The following ZZEF1 variants were observed in gnomAD, a reference collection of about 807,000 sequenced individuals.
ZZEF1 encodes zinc finger ZZ-type and EF-hand domain containing 1, also known as zinc finger ZZ-type and EF-hand domain-containing protein 1.
A neutral mutation model predicts 342.8 loss-of-function variants in ZZEF1; 157 were observed. That is an observed-to-expected ratio of 0.46 (90% CI 0.40 to 0.52). The LOEUF (loss-of-function observed/expected upper bound fraction) is 0.52, where lower values mean the gene tolerates loss of function less well. ZZEF1 is among the 20% of genes least tolerant of loss of function. ZZEF1 has a pLI of 0.00. For missense variants in ZZEF1, 3,480 were observed against 3,725.6 expected, an observed-to-expected ratio of 0.93 and a Z score of 1.72; for synonymous variants, 1,505 against 1,429.1, an observed-to-expected ratio of 1.05 and a Z score of -1.20.
chr17:4,037,386 C>T (rs1170617411), intron 39 of ZZEF1, among the ~76,000 whole-genome samples: 1 of 152,160 alleles, frequency 6.6e-6, no homozygotes, highest in Admixed American at 6.5e-5. Flanking sequence ...GATTTTCCTG[C>T]CCAAGAGGCA....
intron 45 of ZZEF1, among the ~76,000 whole-genome samples, chr17:4,020,845 G>A (rs1001310691): frequency 6.6e-6 from 1 of 152,212 alleles, no homozygotes; most frequent in Non-Finnish European, 1.5e-5. Flanking sequence ...GTAAGCCCTT[G>A]AAATTCGTGC....
chr17:4,052,880 G>T lies in ZZEF1; in HGVS notation c.5435-744C>A, dbSNP rs1034900544. 3.4e-4 allele frequency among the ~76,000 whole-genome samples: 51 copies of T among 151,480 alleles called. 1 individual carries two copies. The highest frequency in any genetic ancestry group is 1.2e-3 in the African/African-American group (51 of 40,944). ...AGACTTTGTCTCGGGAGGGCGGCGG[G>T]GGAGAAAAAACCAGACCCAGACCCA... On this transcript the variant is annotated intron_variant, in intron 34 of 54. Transcript: ENST00000381638.
chr17:4,114,484 C>A lies in ZZEF1; in HGVS notation c.695-14G>T. On this transcript the variant is annotated splice_polypyrimidine_tract_variant and intron_variant, in intron 3 of 54. Transcript: ENST00000381638. ...CTCCAGGGCTTTCTGTAGGGGAAAC[C>A]AGAGTTGATTATATGACATCCCTTT... 1.3e-6 allele frequency: 2 copies of A among 1,483,608 alleles called. No individual in the cohort carries two copies. Among genetic ancestry groups the A allele is most frequent in the South Asian group, 1.4e-5 (1 of 70,336 alleles). 91.9% of individuals were successfully genotyped at this position (1,483,608 alleles called of 1,614,324 possible). A position where few individuals can be genotyped will look rare whatever the true frequency, so the allele number is the denominator to read the frequency against.
At chr17:4,030,079 T>C (rs1325546587) in intron 42 of ZZEF1, among the ~76,000 whole-genome samples, 1 of 144,566 alleles carries the variant, frequency 6.9e-6, no homozygotes, top group Non-Finnish European at 1.5e-5. Flanking sequence ...TAACAACACA[T>C]TAAACACAAA....
chr17:4,086,618 GA>G lies in ZZEF1; in HGVS notation c.2379del (p.Leu794CysfsTer32), dbSNP rs1567828768. 6.2e-7 allele frequency: 1 copy of G among 1,614,146 alleles called. No homozygotes were observed. Among genetic ancestry groups the G allele is most frequent in the Non-Finnish European group, 8.5e-7 (1 of 1,180,042 alleles). On this transcript the variant is annotated frameshift_variant, in exon 15 of 55. Transcript: ENST00000381638. LOFTEE classifies it high-confidence loss of function. ...REECVSAQTL[L>X]LQLLQSCFSV... ...GAGAAGCAGCTCTGGAGTAGCTGCA[GA>G]AGCAGGGTTTGGGCAGAGACGCATT...
intron 10 of ZZEF1, 150 bp from the exon 11 acceptor site, chr17:4,096,129 G>T (rs1221814322): frequency 1.1e-6 from 1 of 882,350 alleles, no homozygotes; most frequent in African/African-American, 1.7e-5. Context: ...AAATAAGAAA[G>T]CTGTTTCCCA....
At chr17:4,133,388 T>C (rs1275756264) in intron 1 of ZZEF1, among the ~76,000 whole-genome samples, 1 of 152,200 alleles carries the variant, frequency 6.6e-6, no homozygotes, top group Non-Finnish European at 1.5e-5. Context: ...GTTCATGTTC[T>C]TCACCACAAC....
At position 4,008,897 on chromosome 17, in the gene ZZEF1, G is replaced by A. The variant is rs200830304; in HGVS notation, c.8791C>T (p.Arg2931Cys). 1.9e-5 allele frequency: 30 copies of A among 1,547,038 alleles called. No homozygotes were observed. Among genetic ancestry groups the A allele is most frequent in the South Asian group, 4.8e-5 (4 of 84,188 alleles). Residue 2931 changes from arginine (R) to cysteine (C), a missense_variant, in exon 54 of 55, where the codon CGC (arginine) becomes TGC (cysteine). Transcript: ENST00000381638. This position sits in a 1 kb window ranked among gnomAD's most constrained non-coding sequence, Gnocchi z 4.2. ...GGAGAGAGTACCTGTGCCGCACAGCGGAGAAGGTGGTCGTCCGTGGTTAGG... is the reference window on the plus strand; with the variant it reads ...GGAGAGAGTACCTGTGCCGCACAGCAGAGAAGGTGGTCGTCCGTGGTTAGG... ...LALTTDDHLL[R>C]CAAQALQNIA...
Position 4,032,227 on chromosome 17 carries a change from A to C in ZZEF1, c.6791T>G (p.Met2264Arg). Residue 2264 changes from methionine (M) to arginine (R), a missense_variant, in exon 42 of 55, where the codon ATG (methionine) becomes AGG (arginine). By Grantham distance (91) the Met-to-Arg change is moderately conservative. Around this residue, in one of 5 missense-constraint regions of ZZEF1, gnomAD observed 1,269 missense variants for 1,342.4 expected, o/e 0.95. Transcript: ENST00000381638. Reference protein sequence around the residue: ...VLCVGTRCVYMDNANEPHNVI... With the variant: ...VLCVGTRCVYRDNANEPHNVI... ...ATTATGGGGTTCATTGGCATTATCC[A>C]TATAAACGCAGCGGGTTCCCACACA... The C allele has an allele frequency of 6.2e-7, 1 of 1,613,804 alleles. No individual in the cohort carries two copies. The highest frequency in any genetic ancestry group is 8.5e-7 in the Non-Finnish European group (1 of 1,179,922).
chr17:4,089,454 C>T (rs1451081457), intron 12 of ZZEF1, among the ~76,000 whole-genome samples: 4 of 152,188 alleles, frequency 2.6e-5, no homozygotes, highest in African/African-American at 9.7e-5. Context: ...TATTACGTGC[C>T]CTTAAGAGAG....
At chr17:4,059,813 G>T (rs1030016237) in intron 30 of ZZEF1, among the ~76,000 whole-genome samples, 6 of 152,136 alleles carry the variant, frequency 3.9e-5, no homozygotes, top group African/African-American at 1.4e-4. Context: ...AGCCATCTTA[G>T]TTTGATGGTC....
At chr17:4,135,124 T>C (rs1262019020) in intron 1 of ZZEF1, among the ~76,000 whole-genome samples, 2 of 152,186 alleles carry the variant, frequency 1.3e-5, no homozygotes, top group Non-Finnish European at 2.9e-5. Context: ...TGGAGGGCGC[T>C]GATCACCCCA....
Position 4,006,597 on chromosome 17 carries a change from C to T in ZZEF1, c.*293G>A, listed in dbSNP as rs756185028. 1 of 439,464 alleles carries T rather than the reference C, an allele frequency of 2.3e-6. No homozygotes were observed. Among genetic ancestry groups the T allele is most frequent in the Non-Finnish European group, 4.2e-6 (1 of 239,212 alleles). 27.2% of individuals were successfully genotyped at this position (439,464 alleles called of 1,614,324 possible). On this transcript the variant is annotated 3_prime_UTR_variant, in exon 55 of 55. Transcript: ENST00000381638. ...AGTCTTCCCAGGCCCACGGCTCCTG[C>T]AGTGACAGCCTCTGGAGAAGGCTGG...
At chr17:4,044,164 G>A in intron 38 of ZZEF1, 60 bp downstream of exon 38, 2 of 1,576,650 alleles carry the variant, frequency 1.3e-6, no homozygotes, top group East Asian at 2.2e-5. Context: ...ACAGCTCAGG[G>A]ATGGGTATAT....
rs2057357408 is a variant in ZZEF1 at position 4,064,737 on chromosome 17, C to G, written c.4342G>C (p.Asp1448His). ...KESCEKLETA[D>H]ETSHLQPLNK... ...AGTGGCTGGAGATGACTGGTTTCAT[C>G]AGCAGTCTCCAACTTTTCGCAGCTT... Residue 1448 changes from aspartate to histidine, a missense_variant, in exon 29 of 55, where the codon GAT (aspartate) becomes CAT (histidine). Physicochemically the swap from Asp to His is moderately conservative, Grantham distance 81. This residue lies in a region of ZZEF1 where 1,528 missense variants were observed against 1,624.1 expected (regional missense o/e 0.94). Transcript: ENST00000381638. 1.9e-6 allele frequency: 3 copies of G among 1,614,040 alleles called. No homozygotes were observed. The highest frequency in any genetic ancestry group is 2.2e-5 in the East Asian group (1 of 44,888).
At chr17:4,033,801 C>G (rs886132779) in intron 40 of ZZEF1, 1 of 608,212 alleles carries the variant, frequency 1.6e-6, no homozygotes, top group Non-Finnish European at 2.9e-6. Flanking sequence ...CAGCCAGTGT[C>G]GAGACTGCTC....
chr17:4,075,388 T>C lies in ZZEF1; in HGVS notation c.3276A>G (p.Leu1092=). The C allele has an allele frequency of 6.2e-7, 1 of 1,614,240 alleles. No individual in the cohort carries two copies. Among genetic ancestry groups the C allele is most frequent in the Non-Finnish European group, 8.5e-7 (1 of 1,180,042 alleles). ...GGGCAGATTCCTTCGTCCACGTATG[T>C]AACACCACAGGCTGTTCCTGTTGCC... is the stretch of plus-strand genomic sequence containing the variant. ...ETWQQEQPVV[L]HTWTKESAHN... The change falls in exon 22 of 55, where the codon TTA becomes TTG. Residue 1092 remains leucine (L), a synonymous_variant. Coordinates refer to ENST00000381638, the MANE Select transcript of ZZEF1 (RefSeq NM_015113.4).
At chr17:4,090,858 A>AT (rs1380548290) in intron 11 of ZZEF1, 28 bp from the exon 12 acceptor site, 1 of 1,581,018 alleles carries the variant, frequency 6.3e-7, no homozygotes, top group Non-Finnish European at 8.7e-7. Context: ...TTCACAAAAC[A>AT]TTTTATTTTG....
At chr17:4,073,563 G>A (rs747911788) in intron 24 of ZZEF1, among the ~76,000 whole-genome samples, 3 of 152,082 alleles carry the variant, frequency 2.0e-5, no homozygotes, top group Non-Finnish European at 4.4e-5. Context: ...AGCCTCCCAA[G>A]TAGCTGAGAC....
Sources: allele counts gnomAD v4.1 joint callset (sites outside exome capture counted in the v4.1 genomes callset), GRCh38; gene constraint gnomAD v4.1.1; regional missense constraint gnomAD v4.1.1; non-coding constraint Gnocchi (gnomAD v3.1); transcripts MANE v1.5; gene names NCBI Gene and HGNC (gene_info 2026-07-23, HGNC 2026-07-21).